ZBTB20: variants seen among roughly 807,000 people sequenced by gnomAD.
ZBTB20 encodes the protein zinc finger and BTB domain containing 20.
ZBTB20 carries 9 observed loss-of-function variants against 56.9 expected under a neutral mutation model. The observed-to-expected ratio is 0.16, with a 90% confidence interval of 0.10 to 0.28. ZBTB20 has a LOEUF of 0.28. Ranked by LOEUF, ZBTB20 falls within the 10% of genes least tolerant of loss-of-function variation. The pLI is 1.00. For missense variants in ZBTB20, 655 were observed against 1,003.0 expected, an observed-to-expected ratio of 0.65 and a Z score of 4.69; for synonymous variants, 417 against 420.7, an observed-to-expected ratio of 0.99 and a Z score of 0.11.
At chr3:114,449,676 C>A (rs934110025) in intron 7 of ZBTB20, among the ~76,000 whole-genome samples, 1 of 133,700 alleles carries the variant, frequency 7.5e-6, no homozygotes, top group Non-Finnish European at 1.7e-5. Flanking sequence ...CTTTGGAAGC[C>A]TAGCTTTAAA....
chr3:114,507,021 A>G (rs1029215606), intron 6 of ZBTB20, among the ~76,000 whole-genome samples: 1 of 152,206 alleles, frequency 6.6e-6, no homozygotes, highest in Non-Finnish European at 1.5e-5. Flanking sequence ...GGAGACAGAG[A>G]TGACAGAAGA....
intron 2 of ZBTB20, among the ~76,000 whole-genome samples, chr3:115,044,803 A>G (rs755470944): frequency 5.3e-5 from 8 of 152,264 alleles, no homozygotes; most frequent in Non-Finnish European, 1.0e-4. Context: ...CAAAATGGGC[A>G]GAATAACTAC....
intron 4 of ZBTB20, among the ~76,000 whole-genome samples, chr3:114,864,441 C>T (rs1161763208): frequency 6.6e-6 from 1 of 151,718 alleles, no homozygotes; most frequent in African/African-American, 2.4e-5. Flanking sequence ...TCCTGGTCTC[C>T]TATTTCTTAA....
In ZBTB20 at chr3:115,056,430, G is replaced by A. The variant is rs541534100; in HGVS notation, c.-507+14789C>T. Among the ~76,000 whole-genome samples, 3 of 152,022 alleles carry A rather than the reference G, an allele frequency of 2.0e-5. No homozygotes were observed. In the South Asian group the frequency reaches 6.2e-4, roughly 32 times the overall value. On this transcript the variant is annotated intron_variant, in intron 2 of 11. Transcript: ENST00000675478. The stretch of plus-strand genomic sequence containing the variant: ...TGCTCCCTCATGCCCCTGCAACCTG[G>A]CAATGATTTTATCCTAAAGAAATAA...
At chr3:114,796,437 C>A (rs1399877078) in intron 5 of ZBTB20, among the ~76,000 whole-genome samples, 1 of 151,938 alleles carries the variant, frequency 6.6e-6, no homozygotes, top group African/African-American at 2.4e-5. Context: ...GATTGTTATA[C>A]ACAGAATTAT....
intron 5 of ZBTB20, among the ~76,000 whole-genome samples, chr3:114,699,384 T>C (rs1479701293): frequency 3.9e-5 from 6 of 152,056 alleles, no homozygotes; most frequent in Non-Finnish European, 5.9e-5. Flanking sequence ...GTTACACAAA[T>C]TTAAATTACT....
intron 6 of ZBTB20, chr3:114,502,663 C>T (rs770766702): frequency 3.9e-5 from 6 of 152,044 alleles, no homozygotes; most frequent in Non-Finnish European, 7.4e-5. Flanking sequence ...GATTTTAAAG[C>T]TCTAAGTTTT....
At chr3:114,850,640 T>C (rs1349108407) in intron 4 of ZBTB20, among the ~76,000 whole-genome samples, 3 of 152,228 alleles carry the variant, frequency 2.0e-5, no homozygotes, top group African/African-American at 7.2e-5. Context: ...GGGCTAAAAT[T>C]TGAACTAAGG....
chr3:115,067,525 T>C (rs1464157350), intron 2 of ZBTB20, among the ~76,000 whole-genome samples: 1 of 151,064 alleles, frequency 6.6e-6, no homozygotes, highest in Non-Finnish European at 1.5e-5. Context: ...GAAAGACATA[T>C]GCTATTTGAA....
At chr3:114,767,064 T>A (rs1401930345) in intron 5 of ZBTB20, among the ~76,000 whole-genome samples, 1 of 152,086 alleles carries the variant, frequency 6.6e-6, no homozygotes, top group Non-Finnish European at 1.5e-5. Context: ...TGTCTACATA[T>A]CTAAAGTAAC....
At chr3:114,440,662 C>T (rs2090853647) in intron 7 of ZBTB20, among the ~76,000 whole-genome samples, 1 of 152,148 alleles carries the variant, frequency 6.6e-6, no homozygotes, top group South Asian at 2.1e-4. Context: ...ATAGATAACG[C>T]TGGGACAGTT....
chr3:114,360,057 C>T (rs533959738), intron 10 of ZBTB20, among the ~76,000 whole-genome samples: 3 of 151,424 alleles, frequency 2.0e-5, no homozygotes, highest in Admixed American at 2.0e-4. Flanking sequence ...TTTGGGAAAA[C>T]TTTTCTCTGG....
chr3:114,576,381 A>G (rs1199466846), intron 6 of ZBTB20, among the ~76,000 whole-genome samples: 1 of 151,334 alleles, frequency 6.6e-6, no homozygotes, highest in Non-Finnish European at 1.5e-5. Flanking sequence ...GGGCGCCTGT[A>G]GTCCCAGCTA....
intron 7 of ZBTB20, among the ~76,000 whole-genome samples, chr3:114,428,759 A>T (rs950353357): frequency 6.6e-6 from 1 of 152,228 alleles, no homozygotes; most frequent in Admixed American, 6.5e-5. Context: ...TCTCAAAAAG[A>T]TATGACTTCT....
At chr3:114,568,176 T>G (rs1045057342) in intron 6 of ZBTB20, among the ~76,000 whole-genome samples, 2 of 152,218 alleles carry the variant, frequency 1.3e-5, no homozygotes, top group African/African-American at 2.4e-5. Context: ...TCAGCAGCAG[T>G]ACTTGCTAGT....
chr3:114,846,115 T>C (rs756784434), intron 4 of ZBTB20, among the ~76,000 whole-genome samples: 46 of 152,064 alleles, frequency 3.0e-4, no homozygotes, highest in Non-Finnish European at 6.2e-4. Flanking sequence ...ATAGAGAGTA[T>C]AATAGGGTTG....
intron 2 of ZBTB20, among the ~76,000 whole-genome samples, chr3:114,982,820 A>G (rs998390003): frequency 1.8e-4 from 27 of 152,080 alleles, no homozygotes; most frequent in Middle Eastern, 3.4e-3. Flanking sequence ...CCAAAGTCCA[A>G]AGTTTTTTTT....
chr3:114,362,489 A>C (rs2108339088), intron 10 of ZBTB20, among the ~76,000 whole-genome samples: 1 of 152,322 alleles, frequency 6.6e-6, no homozygotes, highest in East Asian at 1.9e-4. Flanking sequence ...TCTATGTGAT[A>C]TGGTCCTGAC....
intron 6 of ZBTB20, among the ~76,000 whole-genome samples, chr3:114,505,775 T>C (rs2044539956): frequency 6.6e-6 from 1 of 152,182 alleles, no homozygotes; most frequent in Non-Finnish European, 1.5e-5. Flanking sequence ...TTTCAAAGGA[T>C]GAGGCACTAT....
Sources: gnomAD v4.1 joint callset for allele counts (sites outside exome capture counted in the v4.1 genomes callset) on GRCh38, gnomAD v4.1.1 for gene constraint, MANE v1.5 for transcripts, NCBI Gene and HGNC (gene_info 2026-07-23, HGNC 2026-07-21) for gene names.